CCDC7: variants seen among roughly 807,000 people sequenced by gnomAD.
CCDC7 encodes the protein coiled-coil domain containing 7.
CCDC7 carries 183 observed loss-of-function variants against 196.9 expected under a neutral mutation model. That is an observed-to-expected ratio of 0.93 (90% CI 0.82 to 1.05). CCDC7 has a LOEUF of 1.05. CCDC7 is among the 50% of genes least tolerant of loss of function. The pLI is 0.00. For missense variants in CCDC7, 1,540 were observed against 1,482.2 expected (o/e 1.04, Z -0.64); for synonymous variants, 525 against 484.6 (o/e 1.08, Z -1.10).
intron 41 of CCDC7, among the ~76,000 whole-genome samples, chr10:32,863,525 T>A (rs1048248842): frequency 4.7e-4 from 71 of 151,978 alleles, no homozygotes; most frequent in African/African-American, 1.4e-3. Flanking sequence ...GCTATTTTTT[T>A]AATTTTTTGT....
At chr10:32,684,211 T>G (rs2141098039) in intron 21 of CCDC7, among the ~76,000 whole-genome samples, 1 of 152,252 alleles carries the variant, frequency 6.6e-6, no homozygotes, top group Admixed American at 6.5e-5. Context: ...GATGGGGCCC[T>G]TATCCTGGGG....
chr10:32,607,238 C>T (rs2061645186), intron 18 of CCDC7, among the ~76,000 whole-genome samples: 1 of 152,160 alleles, frequency 6.6e-6, no homozygotes, highest in African/African-American at 2.4e-5. Flanking sequence ...TACCTGGTAC[C>T]ATGCTTCCTG....
At chr10:32,650,413 A>G (rs1185084630) in intron 20 of CCDC7, among the ~76,000 whole-genome samples, 1 of 152,222 alleles carries the variant, frequency 6.6e-6, no homozygotes, top group African/African-American at 2.4e-5. Context: ...TGTGAGGAGA[A>G]GAGATGTAAC....
At chr10:32,583,053 A>G (rs771033353) in exon 17 of CCDC7, 6 of 1,231,446 alleles carry the variant, frequency 4.9e-6, no homozygotes, top group Non-Finnish European at 6.1e-6. Flanking sequence ...GAAACGATCT[A>G]GCCCTGCTAT....
At chr10:32,499,523 A>T (rs889011629) in intron 9 of CCDC7, 3 of 151,746 alleles carry the variant, frequency 2.0e-5, no homozygotes, top group Non-Finnish European at 4.4e-5. Context: ...TTTCCCAACC[A>T]TGGTCATTAT....
intron 28 of CCDC7, among the ~76,000 whole-genome samples, chr10:32,732,726 G>T (rs964267080): frequency 2.0e-5 from 3 of 152,050 alleles, no homozygotes; most frequent in African/African-American, 4.8e-5. Flanking sequence ...GAAAGATAGA[G>T]ATTTCTCATA....
chr10:32,598,668 GGGACCCATT>G (rs1198458488), intron 18 of CCDC7, among the ~76,000 whole-genome samples: 2 of 152,092 alleles, frequency 1.3e-5, no homozygotes, highest in Non-Finnish European at 2.9e-5. Context: ...GATTTATTGT[GGGACCCATT>G]GGTAGTTTAA....
chr10:32,471,510 T>C (rs1459247665), intron 6 of CCDC7, among the ~76,000 whole-genome samples: 2 of 152,188 alleles, frequency 1.3e-5, no homozygotes, highest in African/African-American at 4.8e-5. Flanking sequence ...GTGGCTGTTA[T>C]TAGAAAGTTA....
intron 28 of CCDC7, among the ~76,000 whole-genome samples, chr10:32,758,981 C>T (rs956652415): frequency 1.3e-5 from 2 of 152,158 alleles, no homozygotes; most frequent in African/African-American, 4.8e-5. Context: ...CATGAGTGAA[C>T]TCCCATTCAC....
At chr10:32,587,647 C>G (rs2059413791) in intron 18 of CCDC7, among the ~76,000 whole-genome samples, 1 of 152,198 alleles carries the variant, frequency 6.6e-6, no homozygotes, top group African/African-American at 2.4e-5. Context: ...TATGTTAACT[C>G]TAATGTTTTT....
chr10:32,833,226 A>T (rs1022429286), intron 32 of CCDC7, among the ~76,000 whole-genome samples: 1 of 152,094 alleles, frequency 6.6e-6, no homozygotes, highest in African/African-American at 2.4e-5. Flanking sequence ...ACTGGAAATT[A>T]ATTAGAATAA....
chr10:32,603,861 T>C (rs2061321794), intron 18 of CCDC7, among the ~76,000 whole-genome samples: 1 of 152,178 alleles, frequency 6.6e-6, no homozygotes, highest in South Asian at 2.1e-4. Flanking sequence ...TAGTTTCTTG[T>C]TGAAGGAATA....
chr10:32,536,630 AG>A (rs1304264634), intron 11 of CCDC7, among the ~76,000 whole-genome samples: 1 of 152,134 alleles, frequency 6.6e-6, no homozygotes, highest in Non-Finnish European at 1.5e-5. Context: ...GCATAGTACC[AG>A]ATAGGTATTT....
At chr10:32,710,946 A>G (rs1312758128) in intron 24 of CCDC7, among the ~76,000 whole-genome samples, 2 of 152,146 alleles carry the variant, frequency 1.3e-5, no homozygotes, top group African/African-American at 2.4e-5. Flanking sequence ...TTAATGTTAC[A>G]TTTTCCCACA....
intron 18 of CCDC7, among the ~76,000 whole-genome samples, chr10:32,605,152 G>A (rs1467562598): frequency 6.6e-6 from 1 of 152,086 alleles, no homozygotes; most frequent in Non-Finnish European, 1.5e-5. Flanking sequence ...TATGTGAAAA[G>A]CTGTCTCCCT....
chr10:32,717,324 T>G (rs919513050), intron 25 of CCDC7, among the ~76,000 whole-genome samples: 1 of 152,204 alleles, frequency 6.6e-6, no homozygotes, highest in South Asian at 2.1e-4. Flanking sequence ...GTGAATTCTT[T>G]GAAACCAATG....
intron 31 of CCDC7, among the ~76,000 whole-genome samples, chr10:32,821,115 T>C (rs2090093028): frequency 6.6e-6 from 1 of 151,948 alleles, no homozygotes; most frequent in African/African-American, 2.4e-5. Context: ...CAAACAAATT[T>C]ACAAGAAAAA....
At position 32,824,945 on chromosome 10, in the gene CCDC7, A is replaced by G. The variant is rs190711178; in HGVS notation, c.3268+341A>G. Among the ~76,000 whole-genome samples, 11 of 152,374 alleles carry G rather than the reference A, an allele frequency of 7.2e-5. No homozygotes were observed. In the East Asian group the frequency reaches 2.1e-3, roughly 29 times the overall value. On this transcript the variant is annotated intron_variant, in intron 32 of 41. Coordinates refer to ENST00000639629, the Ensembl canonical transcript of CCDC7. ...AGAATTGCTAGCTTATGAACATGAT[A>G]ACAAGATGAATATAACTGATAATGA...
chr10:32,562,805 T>C (rs937129054), intron 13 of CCDC7, among the ~76,000 whole-genome samples: 16 of 152,010 alleles, frequency 1.1e-4, no homozygotes, highest in Non-Finnish European at 2.4e-4. Context: ...CCAGGGCAAT[T>C]AGGCAGGAGA....
Sources: gnomAD v4.1 joint callset for allele counts (sites outside exome capture counted in the v4.1 genomes callset) on GRCh38, gnomAD v4.1.1 for gene constraint, MANE v1.5 for transcripts, NCBI Gene and HGNC (gene_info 2026-07-23, HGNC 2026-07-21) for gene names.